The following ADGRL3 variants were observed in gnomAD, a reference collection of about 807,000 sequenced individuals.
ADGRL3 encodes adhesion G protein-coupled receptor L3.
Under a neutral mutation model 153.5 loss-of-function variants are expected in ADGRL3, and 62 were observed. That is an observed-to-expected ratio of 0.40 (90% CI 0.33 to 0.50). The LOEUF is 0.50. Ranked by LOEUF, ADGRL3 falls within the 20% of genes least tolerant of loss-of-function variation. ADGRL3 has a pLI of 0.47. For missense variants in ADGRL3, 1,641 were observed against 1,859.4 expected (o/e 0.88, Z 2.16); for synonymous variants, 710 against 672.5 (o/e 1.06, Z -0.86).
At chr4:61,819,876 G>C (rs1263045354) in intron 9 of ADGRL3, among the ~76,000 whole-genome samples, 2 of 152,008 alleles carry the variant, frequency 1.3e-5, no homozygotes, top group African/African-American at 4.8e-5. Context: ...TTGAAACTGA[G>C]TTTTAAAACT....
intron 19 of ADGRL3, among the ~76,000 whole-genome samples, chr4:61,986,032 A>G (rs2099084463): frequency 6.6e-6 from 1 of 151,618 alleles, no homozygotes; most frequent in Non-Finnish European, 1.5e-5. Context: ...TTCATGTAAC[A>G]TAAAATTCAG....
chr4:61,908,294 GA>G (rs201765495), intron 11 of ADGRL3, among the ~76,000 whole-genome samples: 3 of 149,764 alleles, frequency 2.0e-5, no homozygotes, highest in East Asian at 2.0e-4. Context: ...TCTTACAAAA[GA>G]AAAAAAAAGA....
intron 2 of ADGRL3, among the ~76,000 whole-genome samples, chr4:61,406,095 C>T (rs7687448): frequency 0.6 from 91,691 of 151,672 alleles, 28,891 homozygotes; most frequent in Admixed American, 0.75. Flanking sequence ...CCCTATATAT[C>T]TACTGTCTGT....
intron 25 of ADGRL3, among the ~76,000 whole-genome samples, chr4:62,061,109 T>A (rs145700219): frequency 1.9e-4 from 29 of 152,086 alleles, no homozygotes; most frequent in African/African-American, 6.3e-4. Flanking sequence ...ACTGATAATT[T>A]ACTCTGACAA....
chr4:61,721,529 A>G (rs953432454), intron 6 of ADGRL3, among the ~76,000 whole-genome samples: 1 of 152,128 alleles, frequency 6.6e-6, no homozygotes, highest in Admixed American at 6.6e-5. Context: ...GATTGTGCCC[A>G]CTCAGATTGA....
chr4:61,233,227 T>C (rs1751487927), intron 1 of ADGRL3, among the ~76,000 whole-genome samples: 1 of 152,164 alleles, frequency 6.6e-6, no homozygotes, highest in Non-Finnish European at 1.5e-5. Flanking sequence ...ATACATACTT[T>C]TACTTAGAAC....
At chr4:61,372,184 C>T (rs183857094) in intron 1 of ADGRL3, among the ~76,000 whole-genome samples, 1,870 of 151,320 alleles carry the variant, frequency 0.012, 63 homozygotes, top group African/African-American at 0.043. Flanking sequence ...AATGTCCTCC[C>T]GTAGCTCAGA....
chr4:61,981,598 A>AAAAAAT (rs2099068637), intron 18 of ADGRL3, among the ~76,000 whole-genome samples: 1 of 152,192 alleles, frequency 6.6e-6, no homozygotes, highest in Non-Finnish European at 1.5e-5. Flanking sequence ...AAATATAAAT[A>AAAAAAT]ATAGACAATA....
intron 6 of ADGRL3, among the ~76,000 whole-genome samples, chr4:61,713,336 T>A (rs1425383695): frequency 6.6e-6 from 1 of 152,018 alleles, no homozygotes; most frequent in Non-Finnish European, 1.5e-5. Flanking sequence ...TATTAACTCA[T>A]CATTAAGTTC....
intron 4 of ADGRL3, among the ~76,000 whole-genome samples, chr4:61,557,986 T>G (rs1272824431): frequency 6.6e-6 from 1 of 151,502 alleles, no homozygotes; most frequent in Admixed American, 6.6e-5. Flanking sequence ...GCAACCTTGA[T>G]ATCGGGCTTG....
chr4:61,296,338 G>A (rs17090423), intron 1 of ADGRL3, among the ~76,000 whole-genome samples: 8,434 of 152,166 alleles, frequency 0.055, 785 homozygotes, highest in African/African-American at 0.19. Context: ...CTCAGAACAA[G>A]TCTCTCAGGT....
chr4:62,064,628 T>C (rs1741975535), intron 25 of ADGRL3, among the ~76,000 whole-genome samples: 2 of 151,938 alleles, frequency 1.3e-5, no homozygotes, highest in South Asian at 2.1e-4. Context: ...TCTGGGCAAT[T>C]TTTAATAAAA....
rs144601147 is a variant in ADGRL3 at position 61,570,684 on chromosome 4, A to T, written c.260-16543A>T. On this transcript the variant is annotated intron_variant, in intron 4 of 26. Coordinates refer to ENST00000683033, the MANE Select transcript of ADGRL3 (RefSeq NM_001387552.1). ...ACAATCGGAAATTAAGCTCCATGAG[A>T]GTAGAGGGAATTTTTTTTCCATTTA... Among the ~76,000 whole-genome samples, 129 of 152,234 alleles carry T rather than the reference A, an allele frequency of 8.5e-4. 1 individual carries two copies. The highest frequency in any genetic ancestry group is 3.0e-3 in the African/African-American group (126 of 41,550).
At chr4:61,989,785 A>T (rs1044985979) in intron 19 of ADGRL3, among the ~76,000 whole-genome samples, 1 of 152,044 alleles carries the variant, frequency 6.6e-6, no homozygotes, top group African/African-American at 2.4e-5. Flanking sequence ...TCCTATTGGT[A>T]CCAAAGAAGT....
intron 2 of ADGRL3, among the ~76,000 whole-genome samples, chr4:61,464,680 G>C (rs1328491871): frequency 6.6e-6 from 1 of 152,052 alleles, no homozygotes; most frequent in African/African-American, 2.4e-5. Flanking sequence ...TTAGGATCAG[G>C]AACATGAATT....
Position 61,848,339 on chromosome 4 carries a change from T to C in ADGRL3, c.1480+34450T>C, listed in dbSNP as rs75929126. Among the ~76,000 whole-genome samples, 982 of 151,052 alleles carry C rather than the reference T, an allele frequency of 6.5e-3. 6 individuals are homozygous for C. The highest frequency in any genetic ancestry group is 0.021 in the African/African-American group (846 of 41,132). ...CATGTTCCCTCTGAAGCCTCTAGGG[T>C]AGGATCCTTCTTTACCTCTTCCAGT... On this transcript the variant is annotated intron_variant, in intron 9 of 26. Coordinates refer to ENST00000683033, the MANE Select transcript of ADGRL3 (RefSeq NM_001387552.1).
chr4:61,341,500 A>G (rs1159398382), intron 1 of ADGRL3, among the ~76,000 whole-genome samples: 1 of 151,342 alleles, frequency 6.6e-6, no homozygotes, highest in East Asian at 1.9e-4. Context: ...AGAGTCATAT[A>G]TGGGGCATCA....
At chr4:61,580,823 C>A (rs1362773857) in intron 4 of ADGRL3, among the ~76,000 whole-genome samples, 3 of 152,082 alleles carry the variant, frequency 2.0e-5, no homozygotes, top group African/African-American at 7.2e-5. Flanking sequence ...AAACGAGGGA[C>A]TGAAGGGAGG....
At chr4:61,422,084 CCAAT>C (rs1460278170) in intron 2 of ADGRL3, among the ~76,000 whole-genome samples, 4 of 152,046 alleles carry the variant, frequency 2.6e-5, no homozygotes, top group Non-Finnish European at 5.9e-5. Context: ...AAAAAATTGT[CCAAT>C]CAAAGATGTG....
Sources: allele counts gnomAD v4.1 joint callset (sites outside exome capture counted in the v4.1 genomes callset), GRCh38; gene constraint gnomAD v4.1.1; transcripts MANE v1.5; gene names NCBI Gene and HGNC (gene_info 2026-07-23, HGNC 2026-07-21).